The following HACD2 variants were observed in gnomAD, a reference collection of about 807,000 sequenced individuals.
HACD2 encodes very-long-chain (3R)-3-hydroxyacyl-CoA dehydratase 2.
HACD2 carries 15 observed loss-of-function variants against 31.0 expected under a neutral mutation model. That is an observed-to-expected ratio of 0.48 (90% CI 0.32 to 0.75). The LOEUF is 0.75. Among genes scored for constraint, HACD2 ranks in the 30% least tolerant of loss-of-function variants. The probability of loss-of-function intolerance (pLI) is 0.03; values close to 1 mark genes in which losing one functional copy is unlikely to be tolerated. For missense variants in HACD2, 283 were observed against 313.0 expected (o/e 0.90, Z 0.72); for synonymous variants, 115 against 122.2 (o/e 0.94, Z 0.39).
intron 4 of HACD2, among the ~76,000 whole-genome samples, chr3:123,521,696 G>A (rs1001462671): frequency 1.3e-5 from 2 of 151,828 alleles, no homozygotes; most frequent in African/African-American, 4.8e-5. Flanking sequence ...CAGTGGAGGT[G>A]AGCCCAGAGC....
chr3:123,552,516 T>C (rs2056630316), intron 3 of HACD2, among the ~76,000 whole-genome samples: 1 of 152,166 alleles, frequency 6.6e-6, no homozygotes, highest in Admixed American at 6.5e-5. Flanking sequence ...CAATCTTGTC[T>C]ACAAAAGGAG....
At chr3:123,524,726 G>A (rs2056257872) in intron 4 of HACD2, among the ~76,000 whole-genome samples, 1 of 152,046 alleles carries the variant, frequency 6.6e-6, no homozygotes. Context: ...AGCTGGTGTT[G>A]AACTCCTGCC....
intron 3 of HACD2, among the ~76,000 whole-genome samples, chr3:123,561,498 T>G (rs1187120590): frequency 6.6e-6 from 1 of 152,056 alleles, no homozygotes; most frequent in Non-Finnish European, 1.5e-5. Context: ...AAAAGAAAAC[T>G]TCTAGAGTTG....
chr3:123,522,995 C>T (rs971796267), intron 4 of HACD2, among the ~76,000 whole-genome samples: 2 of 152,172 alleles, frequency 1.3e-5, no homozygotes, highest in African/African-American at 4.8e-5. Context: ...GCCTTTCTGC[C>T]TCACCATGAT....
chr3:123,549,691 T>A (rs369784446), intron 3 of HACD2, among the ~76,000 whole-genome samples: 21 of 152,242 alleles, frequency 1.4e-4, no homozygotes, highest in African/African-American at 4.8e-4. Context: ...GAGGCTGCAG[T>A]GAGCTGTGAT....
rs2055809539 is a variant in HACD2 at position 123,494,559 on chromosome 3, T to TA, written c.*328dup. On this transcript the variant is annotated 3_prime_UTR_variant, in exon 7 of 7. Coordinates refer to ENST00000383657, the MANE Select transcript of HACD2 (RefSeq NM_198402.5). The stretch of plus-strand genomic sequence containing the variant: ...ATTCAGACTGTAACTCTCAAGTACT[T>TA]AGTGTTACAGGTCTTCATTGATCAG... 3.0e-6 allele frequency: 1 copy of TA among 334,254 alleles called. No homozygotes were observed. The highest frequency in any genetic ancestry group is 5.5e-6 in the Non-Finnish European group (1 of 182,558). 20.7% of individuals were successfully genotyped at this position (334,254 alleles called of 1,614,324 possible). A position where few individuals can be genotyped will look rare whatever the true frequency, so the allele number is the denominator to read the frequency against.
chr3:123,580,647 G>C (rs1419236814), intron 2 of HACD2, among the ~76,000 whole-genome samples: 3 of 151,708 alleles, frequency 2.0e-5, no homozygotes, highest in Admixed American at 1.3e-4. Flanking sequence ...TCCATGTATG[G>C]TGGTGCAAGC....
At position 123,513,250 on chromosome 3, in the gene HACD2, T is replaced by C. The variant is rs553889225; in HGVS notation, c.382-10569A>G. ...AATAAATGGGAGAAAGGGAAAGCTA[T>C]TTCTTATAGAATGCCAACTCCCATG... On this transcript the variant is annotated intron_variant, in intron 4 of 6. Transcript: ENST00000383657. Among the ~76,000 whole-genome samples the C allele has an allele frequency of 6.6e-5, 10 of 152,350 alleles. 1 individual carries two copies. In the South Asian group the frequency reaches 1.0e-3, roughly 16 times the overall value.
chr3:123,524,358 A>C (rs1369393063), intron 4 of HACD2, among the ~76,000 whole-genome samples: 1 of 152,162 alleles, frequency 6.6e-6, no homozygotes, highest in Non-Finnish European at 1.5e-5. Context: ...TAGTGCATAC[A>C]TCCTAGTTTG....
intron 3 of HACD2, among the ~76,000 whole-genome samples, chr3:123,532,894 C>T (rs936524652): frequency 2.0e-5 from 3 of 150,708 alleles, no homozygotes; most frequent in Admixed American, 6.6e-5. Flanking sequence ...CCTTATTTGC[C>T]GTAGGAATGG....
intron 1 of HACD2, chr3:123,584,502 A>G (rs2057002797): frequency 1.1e-5 from 2 of 189,258 alleles, no homozygotes; most frequent in Admixed American, 6.2e-5. Context: ...GCGCCGTTCA[A>G]CATCCGAATC....
intron 3 of HACD2, among the ~76,000 whole-genome samples, chr3:123,533,278 A>G (rs554788403): frequency 9.9e-5 from 15 of 152,230 alleles, no homozygotes; most frequent in Non-Finnish European, 1.8e-4. Context: ...ATTCCCAAGT[A>G]GCTGGGACAA....
At chr3:123,539,911 T>TGGA (rs770367599) in intron 3 of HACD2, among the ~76,000 whole-genome samples, 1 of 24,478 alleles carries the variant, frequency 4.1e-5, no homozygotes, top group African/African-American at 2.1e-4. Context: ...TCGTCTCTAC[T>TGGA]AAAAAAAAAA....
chr3:123,574,242 T>G (rs1276386277), intron 2 of HACD2, among the ~76,000 whole-genome samples: 10 of 152,254 alleles, frequency 6.6e-5, no homozygotes, highest in Non-Finnish European at 1.5e-5. Context: ...TAAGGTTCTC[T>G]TCAGCTTCTG....
At chr3:123,569,937 C>T (rs1490774898) in intron 2 of HACD2, among the ~76,000 whole-genome samples, 2 of 131,216 alleles carry the variant, frequency 1.5e-5, no homozygotes, top group Non-Finnish European at 3.1e-5. Context: ...TGCAGTGAGC[C>T]GAGATTGCGC....
chr3:123,548,079 T>G (rs954080893), intron 3 of HACD2, among the ~76,000 whole-genome samples: 1 of 152,042 alleles, frequency 6.6e-6, no homozygotes, highest in African/African-American at 2.4e-5. Context: ...AAAACAAGCC[T>G]GTGGTGGGTG....
intron 3 of HACD2, among the ~76,000 whole-genome samples, chr3:123,546,548 C>T (rs1170417040): frequency 6.6e-6 from 1 of 152,144 alleles, no homozygotes; most frequent in African/African-American, 2.4e-5. Context: ...AAACATGACA[C>T]CATATTAACT....
chr3:123,575,300 A>C (rs1339578984), intron 2 of HACD2, among the ~76,000 whole-genome samples: 1 of 152,156 alleles, frequency 6.6e-6, no homozygotes, highest in Non-Finnish European at 1.5e-5. Flanking sequence ...AATTTTTTGC[A>C]GAGGCGAGGT....
At chr3:123,536,145 T>C (rs2056422624) in intron 3 of HACD2, among the ~76,000 whole-genome samples, 1 of 152,210 alleles carries the variant, frequency 6.6e-6, no homozygotes. Context: ...TCTTCCTATA[T>C]CAATATGTAA....
Sources: allele counts gnomAD v4.1 joint callset (sites outside exome capture counted in the v4.1 genomes callset), GRCh38; gene constraint gnomAD v4.1.1; transcripts MANE v1.5; gene names NCBI Gene and HGNC (gene_info 2026-07-23, HGNC 2026-07-21).